The following RGS22 variants were observed in gnomAD, a reference collection of about 807,000 sequenced individuals.
RGS22 encodes the protein regulator of G protein signaling 22.
RGS22 carries 148 observed loss-of-function variants against 172.9 expected under a neutral mutation model. That is an observed-to-expected ratio of 0.86 (90% confidence interval 0.75 to 0.98). RGS22 has a LOEUF of 0.98. Among genes scored for constraint, RGS22 ranks in the 50% least tolerant of loss-of-function variants. The pLI, the probability that RGS22 is intolerant of heterozygous loss-of-function variation, is 0.00. For missense variants in RGS22, 1,347 were observed against 1,440.8 expected, an observed-to-expected ratio of 0.93 and a Z score of 1.05; for synonymous variants, 458 against 480.2, an observed-to-expected ratio of 0.95 and a Z score of 0.60.
chr8:99,965,907 T>A (rs1412470845), intron 23 of RGS22, among the ~76,000 whole-genome samples: 1 of 152,198 alleles, frequency 6.6e-6, no homozygotes, highest in Non-Finnish European at 1.5e-5. Flanking sequence ...ATTCTGGGCC[T>A]TTGTATTTTT....
At chr8:99,977,217 C>T (rs1480002827) in intron 23 of RGS22, among the ~76,000 whole-genome samples, 5 of 151,844 alleles carry the variant, frequency 3.3e-5, no homozygotes, top group Non-Finnish European at 7.4e-5. Flanking sequence ...AATTCTCCTG[C>T]CTCAGCCTCC....
In RGS22 at chr8:100,002,222, A is replaced by G. The variant is rs779657835; in HGVS notation, c.2770T>C (p.Ser924Pro). The change falls in exon 18 of 28, where the codon TCT becomes CCT. Residue 924 changes from serine (S) to proline (P), a missense_variant. Physicochemically the swap from Ser to Pro is moderately conservative, Grantham distance 74. Transcript: ENST00000360863. Reference sequence around the variant, plus strand: ...GATACCTGGTTCTGCTGATACAGAGAAGCTGGACTGTTGGGTCCAAAGAAA... The same window carrying G: ...GATACCTGGTTCTGCTGATACAGAGGAGCTGGACTGTTGGGTCCAAAGAAA... Reference protein sequence around the residue: ...KYFFGPNSPASLYQQNQVMHL... With the variant: ...KYFFGPNSPAPLYQQNQVMHL... 7 of 1,598,436 alleles carry G rather than the reference A, an allele frequency of 4.4e-6. No homozygotes were observed. The Admixed American group carries it at 1.3e-4, about 29-fold the overall frequency.
At chr8:100,104,331 T>TGC (rs1476752704) in intron 2 of RGS22, among the ~76,000 whole-genome samples, 2 of 54,714 alleles carry the variant, frequency 3.7e-5, no homozygotes, top group Non-Finnish European at 5.1e-5. Context: ...AATATGTGCG[T>TGC]GTGTGTGTGT....
intron 20 of RGS22, among the ~76,000 whole-genome samples, chr8:99,994,188 C>G (rs1192028734): frequency 6.6e-6 from 1 of 152,128 alleles, no homozygotes; most frequent in Admixed American, 6.6e-5. Flanking sequence ...GGAAGCATTC[C>G]CTTTGAAAAT....
At chr8:100,042,743 C>T (rs900164355) in intron 11 of RGS22, 4 of 152,146 alleles carry the variant, frequency 2.6e-5, no homozygotes, top group African/African-American at 9.7e-5. Context: ...AATGTATGTA[C>T]AACATGCTTC....
At chr8:100,047,318 A>G (rs1820828556) in intron 11 of RGS22, 145 bp downstream of exon 11, 1 of 606,256 alleles carries the variant, frequency 1.6e-6, no homozygotes, top group African/African-American at 1.9e-5. Context: ...CATGCAAAGT[A>G]TAAGCCTCTA....
At chr8:100,032,692 ACCC>A (rs1488971658) in intron 14 of RGS22, among the ~76,000 whole-genome samples, 4 of 152,156 alleles carry the variant, frequency 2.6e-5, no homozygotes, top group African/African-American at 4.8e-5. Flanking sequence ...AGAACTCTCC[ACCC>A]CAAATCAACA....
At chr8:100,081,909 C>CT (rs201340859) in intron 3 of RGS22, among the ~76,000 whole-genome samples, 1,781 of 125,308 alleles carry the variant, frequency 0.014, 14 homozygotes, top group African/African-American at 0.03. Flanking sequence ...TATTGTTTTC[C>CT]TTTTTTTTTT....
At chr8:99,984,870 G>C (rs910460708) in intron 21 of RGS22, among the ~76,000 whole-genome samples, 1 of 151,230 alleles carries the variant, frequency 6.6e-6, no homozygotes, top group African/African-American at 2.4e-5. Context: ...TTTTAAAAAA[G>C]ATCAATGAGC....
chr8:100,040,119 C>A (rs916957348), intron 12 of RGS22, 32 bp from the exon 13 acceptor site: 15 of 1,586,582 alleles, frequency 9.5e-6, no homozygotes, highest in Admixed American at 5.6e-5. Context: ...TATTATCCAC[C>A]CAAAAACATT....
At chr8:100,053,090 T>C (rs1821856076) in intron 9 of RGS22, 114 bp from the exon 10 acceptor site, 3 of 936,356 alleles carry the variant, frequency 3.2e-6, no homozygotes, top group South Asian at 3.4e-5. Context: ...CCATACCTCT[T>C]TTCTAACAAC....
chr8:100,085,953 A>G (rs1279689167), intron 3 of RGS22, among the ~76,000 whole-genome samples: 4 of 152,196 alleles, frequency 2.6e-5, no homozygotes, highest in African/African-American at 9.6e-5. Context: ...ATAGAAGAAC[A>G]TACAAAGTAA....
chr8:100,040,133 AT>A (rs754035163), intron 12 of RGS22, 46 bp from the exon 13 acceptor site: 24 of 1,556,622 alleles, frequency 1.5e-5, no homozygotes, highest in South Asian at 2.4e-5. Flanking sequence ...AAACATTGTA[AT>A]TTTTTTATGG....
intron 24 of RGS22, 68 bp downstream of exon 24, chr8:99,965,267 G>T: frequency 1.0e-6 from 1 of 995,000 alleles, no homozygotes; most frequent in East Asian, 2.4e-5. Flanking sequence ...TACAATGACT[G>T]AGTTACTGCA....
At chr8:100,085,895 A>G (rs1418446777) in intron 3 of RGS22, among the ~76,000 whole-genome samples, 1 of 152,224 alleles carries the variant, frequency 6.6e-6, no homozygotes, top group Non-Finnish European at 1.5e-5. Context: ...CTCAATTTGA[A>G]TAAGAATGGA....
intron 20 of RGS22, among the ~76,000 whole-genome samples, chr8:99,989,516 G>A (rs958933285): frequency 1.3e-5 from 2 of 152,172 alleles, no homozygotes; most frequent in Non-Finnish European, 2.9e-5. Flanking sequence ...CCTGAGAGCA[G>A]CGTACAGTTA....
chr8:100,095,003 T>G (rs1300427252), intron 2 of RGS22, among the ~76,000 whole-genome samples: 1 of 152,212 alleles, frequency 6.6e-6, no homozygotes. Context: ...TACATTTCAT[T>G]TTTAATTTTT....
At chr8:100,049,268 A>C (rs922124428) in intron 10 of RGS22, among the ~76,000 whole-genome samples, 3 of 152,210 alleles carry the variant, frequency 2.0e-5, no homozygotes, top group Admixed American at 1.3e-4. Flanking sequence ...AGAACTATAC[A>C]CTAAAAAGGG....
chr8:99,965,251 G>T (rs1810603657), intron 24 of RGS22, 84 bp downstream of exon 24: 2 of 846,644 alleles, frequency 2.4e-6, no homozygotes, highest in Non-Finnish European at 4.0e-6. Context: ...CACATTTCTA[G>T]TACTGTACAA....
Sources: gnomAD v4.1 joint callset for allele counts (sites outside exome capture counted in the v4.1 genomes callset) on GRCh38, gnomAD v4.1.1 for gene constraint, MANE v1.5 for transcripts, NCBI Gene and HGNC (gene_info 2026-07-23, HGNC 2026-07-21) for gene names.